CHD1L: variants seen among roughly 807,000 people sequenced by gnomAD.
The protein encoded by CHD1L is chromodomain helicase DNA binding protein 1 like.
CHD1L carries 118 observed loss-of-function variants against 115.9 expected under a neutral mutation model. That is an observed-to-expected ratio of 1.02 (90% CI 0.88 to 1.19). The LOEUF (loss-of-function observed/expected upper bound fraction) is 1.19, where lower values mean the gene tolerates loss of function less well. Ranked by LOEUF, CHD1L falls within the 50% of genes most tolerant of loss-of-function variation. The pLI is 0.00. For missense variants in CHD1L, 1,179 were observed against 1,065.3 expected, an observed-to-expected ratio of 1.11 and a Z score of -1.49; for synonymous variants, 411 against 387.1, an observed-to-expected ratio of 1.06 and a Z score of -0.72.
intron 8 of CHD1L, 131 bp from the exon 9 acceptor site, chr1:147,267,295 T>C: frequency 1.8e-6 from 1 of 552,568 alleles, no homozygotes; most frequent in Non-Finnish European, 3.1e-6. Context: ...CAGTGAAATT[T>C]GGGAGGTTAG....
At chr1:147,242,606 T>G, upstream of CHD1L, 1 of 1,171,080 alleles carries the variant, frequency 8.5e-7, no homozygotes, top group Non-Finnish European at 1.1e-6. Context: ...GCCTCGCTCG[T>G]AGGTGGGCCC....
intron 7 of CHD1L, among the ~76,000 whole-genome samples, chr1:147,265,173 A>G (rs1489162921): frequency 6.6e-6 from 1 of 152,128 alleles, no homozygotes; most frequent in Non-Finnish European, 1.5e-5. Context: ...GTGAGTTTGT[A>G]TGTGTTGGGT....
At position 147,254,904 on chromosome 1, in the gene CHD1L, T is replaced by G. The variant is rs371676695; in HGVS notation, c.275T>G (p.Leu92Ter). ...CTCTTCATTTATTTGGCAGGAAGAT[T>G]AAATGATGAAGGGCCATTTCTGATT... is the stretch of plus-strand genomic sequence containing the variant. ...IALFIYLAGR[L>*]NDEGPFLILC... The change falls in exon 3 of 23, where the codon TTA becomes TGA. Residue 92 changes from leucine (L) to a stop codon, truncating the protein, a stop_gained. Transcript: ENST00000369258. LOFTEE classifies it high-confidence loss of function. 5 of 1,607,886 alleles carry G rather than the reference T, an allele frequency of 3.1e-6. No homozygotes were observed. The Admixed American group carries it at 5.1e-5, about 17-fold the overall frequency.
At chr1:147,291,153 C>G (rs1360058817) in intron 19 of CHD1L, among the ~76,000 whole-genome samples, 1 of 152,148 alleles carries the variant, frequency 6.6e-6, no homozygotes, top group Non-Finnish European at 1.5e-5. Flanking sequence ...AGGACAAGCA[C>G]AAAACTACCA....
chr1:147,294,443 G>A lies in CHD1L; in HGVS notation c.2541G>A (p.Thr847=), dbSNP rs781927009. The A allele has an allele frequency of 9.9e-6, 16 of 1,612,566 alleles. No homozygotes were observed. The highest frequency in any genetic ancestry group is 3.4e-5 in the Admixed American group (2 of 59,672). The change falls in exon 22 of 23, where the codon ACG becomes ACA. Residue 847 remains threonine, a synonymous_variant. Transcript: ENST00000369258. The part of the protein sequence containing the change: ...SVHLPRIGHA[T]KGFNWYGTER... ...ATCTTCCACGTATTGGACATGCCAC[G>A]AAAGGTTTTAACTGGTATGGTACTG...
the CHD1L span, among the ~76,000 whole-genome samples, chr1:147,193,129 C>T: frequency 6.6e-6 from 1 of 152,078 alleles, no homozygotes; most frequent in African/African-American, 2.4e-5. Context: ...GCTGTGAATC[C>T]ATCTGGTCCT....
chr1:147,271,067 C>A, intron 11 of CHD1L, 62 bp downstream of exon 11: 3 of 1,315,846 alleles, frequency 2.3e-6, no homozygotes, highest in South Asian at 2.4e-5. Context: ...CCAGATAGGT[C>A]CATGAAGAAT....
At chr1:147,212,277 T>C in the CHD1L span, 3 of 1,049,462 alleles carry the variant, frequency 2.9e-6, no homozygotes, top group Non-Finnish European at 4.2e-6. Context: ...TATTTGCCAC[T>C]GGCACTGAAG....
intron 8 of CHD1L, among the ~76,000 whole-genome samples, chr1:147,266,507 G>A (rs1179864574): frequency 2.0e-5 from 3 of 152,180 alleles, no homozygotes; most frequent in African/African-American, 7.2e-5. Flanking sequence ...ATCAAACTCT[G>A]TTGTTAGTAG....
chr1:147,288,618 T>G (rs1251224218), intron 19 of CHD1L, among the ~76,000 whole-genome samples: 1 of 152,004 alleles, frequency 6.6e-6, no homozygotes, highest in African/African-American at 2.4e-5. Context: ...GAGGTGGAGG[T>G]TGCAATGAGC....
At chr1:147,190,736 G>T in the CHD1L span, among the ~76,000 whole-genome samples, 2 of 151,868 alleles carry the variant, frequency 1.3e-5, no homozygotes, top group African/African-American at 4.8e-5. Flanking sequence ...ACAATGTGCA[G>T]GTTTGTTACA....
At chr1:147,195,396 G>A in the CHD1L span, among the ~76,000 whole-genome samples, 1 of 151,944 alleles carries the variant, frequency 6.6e-6, no homozygotes, top group East Asian at 1.9e-4. Flanking sequence ...GCATCCCAAG[G>A]TGCTGGGATT....
chr1:147,222,325 G>A, the CHD1L span, among the ~76,000 whole-genome samples: 8 of 152,130 alleles, frequency 5.3e-5, no homozygotes, highest in Non-Finnish European at 1.2e-4. Context: ...CTGAGATCAC[G>A]CCACTATACT....
chr1:147,269,007 C>T (rs1269982611), intron 10 of CHD1L, 129 bp downstream of exon 10: 1 of 595,554 alleles, frequency 1.7e-6, no homozygotes, highest in Non-Finnish European at 3.0e-6. Context: ...CAGGTTCTGC[C>T]TTCTCTGTGA....
intron 2 of CHD1L, 69 bp from the exon 3 acceptor site, chr1:147,254,801 G>C (rs1248844312): frequency 1.9e-6 from 2 of 1,065,318 alleles, no homozygotes; most frequent in Non-Finnish European, 2.7e-6. Context: ...CTACAGGGTT[G>C]TGGGAACTTC....
intron 1 of CHD1L, among the ~76,000 whole-genome samples, chr1:147,249,402 G>GTGTT (rs1367949319): frequency 3.7e-5 from 1 of 26,980 alleles, no homozygotes; most frequent in Non-Finnish European, 6.6e-5. Flanking sequence ...ATCTTGGTGT[G>GTGTT]TATTTTTTTT....
At chr1:147,289,824 G>T (rs1268377979) in intron 19 of CHD1L, among the ~76,000 whole-genome samples, 1 of 152,222 alleles carries the variant, frequency 6.6e-6, no homozygotes, top group East Asian at 1.9e-4. Context: ...AGAGTGGAGG[G>T]TTTAGGCAGA....
the CHD1L span, among the ~76,000 whole-genome samples, chr1:147,198,868 A>AGAAAG: frequency 1.4e-5 from 2 of 146,196 alleles, no homozygotes; most frequent in African/African-American, 2.6e-5. Flanking sequence ...AAAAAAAAAA[A>AGAAAG]AAAAAAAGAA....
At chr1:147,268,109 C>G (rs187390568) in intron 9 of CHD1L, among the ~76,000 whole-genome samples, 3 of 152,308 alleles carry the variant, frequency 2.0e-5, no homozygotes, top group Admixed American at 2.0e-4. Context: ...TATACTTTCT[C>G]TTCTCCATCT....
Sources: gnomAD v4.1 joint callset for allele counts (sites outside exome capture counted in the v4.1 genomes callset) on GRCh38, gnomAD v4.1.1 for gene constraint, MANE v1.5 for transcripts, NCBI Gene and HGNC (gene_info 2026-07-23, HGNC 2026-07-21) for gene names.